The following CEMIP variants were observed in gnomAD, a reference collection of about 807,000 sequenced individuals.
The protein encoded by CEMIP is cell migration inducing hyaluronidase 1.
In CEMIP, 105 loss-of-function variants were observed where a neutral mutation model predicts 156.9. The ratio of observed to expected loss-of-function variants is 0.67; its 90% CI spans 0.57 to 0.79. The LOEUF (loss-of-function observed/expected upper bound fraction) is 0.79, where lower values mean the gene tolerates loss of function less well. Among genes scored for constraint, CEMIP ranks in the 30% least tolerant of loss-of-function variants. The pLI, the probability that CEMIP is intolerant of heterozygous loss-of-function variation, is 0.00. For missense variants in CEMIP, 1,457 were observed against 1,769.4 expected (o/e 0.82, Z 3.17); for synonymous variants, 676 against 668.4 (o/e 1.01, Z -0.17).
chr15:80,865,397 G>A (rs1218700708), intron 1 of CEMIP, among the ~76,000 whole-genome samples: 1 of 152,062 alleles, frequency 6.6e-6, no homozygotes, highest in East Asian at 1.9e-4. Flanking sequence ...GGCCAGGATG[G>A]TCTCTATCTC....
intron 1 of CEMIP, among the ~76,000 whole-genome samples, chr15:80,833,672 T>TC (rs1491304764): frequency 6.9e-6 from 1 of 144,882 alleles, no homozygotes; most frequent in Admixed American, 7.3e-5. Flanking sequence ...CTTTTTTTTT[T>TC]CTTTTTTTTT....
rs936404750 is a variant in CEMIP at position 80,945,948 on chromosome 15, T to G, written c.3858-1017T>G. On this transcript the variant is annotated intron_variant, in intron 28 of 29. Coordinates refer to ENST00000394685, the MANE Select transcript of CEMIP (RefSeq NM_001293298.2). ...CTTTTGCAATTTGGGACCTTCAGGC[T>G]GGGTGCACACATTGCTCCAAACCTC... Among the ~76,000 whole-genome samples, 4 of 152,266 alleles carry G rather than the reference T, an allele frequency of 2.6e-5. No individual in the cohort carries two copies. In the South Asian group the frequency reaches 8.3e-4, roughly 31 times the overall value.
At chr15:80,937,561 A>G (rs1901176989) in intron 24 of CEMIP, among the ~76,000 whole-genome samples, 1 of 152,188 alleles carries the variant, frequency 6.6e-6, no homozygotes, top group Non-Finnish European at 1.5e-5. Flanking sequence ...GGCCCTGGAG[A>G]CACACCAGTG....
chr15:80,800,818 A>T (rs1896357221), intron 1 of CEMIP, among the ~76,000 whole-genome samples: 2 of 152,316 alleles, frequency 1.3e-5, no homozygotes, highest in South Asian at 2.1e-4. Flanking sequence ...TTGAGTTTAC[A>T]CCTTCTAATA....
intron 1 of CEMIP, among the ~76,000 whole-genome samples, chr15:80,783,061 C>A (rs528320019): frequency 2.6e-4 from 39 of 152,320 alleles, no homozygotes; most frequent in Middle Eastern, 3.4e-3. Context: ...ACAGACAGAG[C>A]AAATGGCAAG....
At chr15:80,865,175 T>A (rs1455275585) in intron 1 of CEMIP, among the ~76,000 whole-genome samples, 3 of 152,148 alleles carry the variant, frequency 2.0e-5, no homozygotes, top group Non-Finnish European at 4.4e-5. Flanking sequence ...AACTAAATTT[T>A]TTATTTTTTT....
chr15:80,933,580 T>G, intron 23 of CEMIP, 120 bp downstream of exon 23: 1 of 728,024 alleles, frequency 1.4e-6, no homozygotes, highest in Non-Finnish European at 2.2e-6. Context: ...GAATTTTTTT[T>G]TCTTTTTCTT....
intron 4 of CEMIP, among the ~76,000 whole-genome samples, chr15:80,879,210 A>C (rs981301476): frequency 6.6e-6 from 1 of 152,230 alleles, no homozygotes; most frequent in Non-Finnish European, 1.5e-5. Flanking sequence ...AGCAGAGAGC[A>C]TAGAAAAGTA....
chr15:80,937,302 C>T (rs1260939069), intron 24 of CEMIP, among the ~76,000 whole-genome samples: 1 of 152,150 alleles, frequency 6.6e-6, no homozygotes, highest in Non-Finnish European at 1.5e-5. Flanking sequence ...GTGTTGAGGC[C>T]GAGGGCATCT....
At chr15:80,879,996 A>C in intron 5 of CEMIP, 142 bp downstream of exon 5, 1 of 941,484 alleles carries the variant, frequency 1.1e-6, no homozygotes, top group Non-Finnish European at 1.7e-6. Flanking sequence ...GATCATGAAC[A>C]AGACAGACAT....
intron 1 of CEMIP, among the ~76,000 whole-genome samples, chr15:80,813,399 G>T (rs1434771651): frequency 7.1e-6 from 1 of 141,120 alleles, no homozygotes; most frequent in African/African-American, 2.6e-5. Context: ...ACCCAGGTTG[G>T]AGTGCAGTGG....
chr15:80,863,723 C>A (rs1225088175), intron 1 of CEMIP, among the ~76,000 whole-genome samples: 1 of 152,112 alleles, frequency 6.6e-6, no homozygotes, highest in South Asian at 2.1e-4. Context: ...TGGGGCAAGG[C>A]CTTTGGGGGC....
chr15:80,923,455 G>A (rs140721232), intron 17 of CEMIP, among the ~76,000 whole-genome samples: 1 of 152,272 alleles, frequency 6.6e-6, no homozygotes, highest in East Asian at 1.9e-4. Flanking sequence ...CCATGAGCAG[G>A]GAGGTGGGCC....
intron 13 of CEMIP, among the ~76,000 whole-genome samples, chr15:80,907,406 T>TTTGTGTACCCGATTC (rs1426261849): frequency 6.6e-6 from 1 of 152,036 alleles, no homozygotes; most frequent in Non-Finnish European, 1.5e-5. Flanking sequence ...CTACTAAAAA[T>TTTGTGTACCCGATTC]ACAAAAATTA....
intron 1 of CEMIP, among the ~76,000 whole-genome samples, chr15:80,853,259 G>A (rs961185013): frequency 6.6e-6 from 1 of 152,214 alleles, no homozygotes; most frequent in Non-Finnish European, 1.5e-5. Flanking sequence ...AAATGGAAAG[G>A]GGGGAAAAGC....
At chr15:80,924,534 C>T (rs1653839137) in intron 17 of CEMIP, 87 bp from the exon 18 acceptor site, 4 of 1,157,106 alleles carry the variant, frequency 3.5e-6, no homozygotes, top group Non-Finnish European at 3.9e-6. Context: ...CCGGAGCATT[C>T]AGAAGTATGC....
At chr15:80,867,030 C>T (rs904702876) in intron 1 of CEMIP, among the ~76,000 whole-genome samples, 8 of 152,130 alleles carry the variant, frequency 5.3e-5, no homozygotes, top group Admixed American at 5.2e-4. Context: ...CATTTAGTTG[C>T]TCCTAATCAA....
rs752001815 is a variant in CEMIP, at chr15:80,942,967, G to T, written c.3722G>T (p.Ser1241Ile). The change falls in exon 28 of 30, where the codon AGT becomes ATT. Residue 1241 changes from serine (S) to isoleucine (I), a missense_variant. Physicochemically the swap from Ser to Ile is moderately radical, Grantham distance 142 (BLOSUM62 -2). Transcript: ENST00000394685. ...YIEVDGKKYP[S>I]SEDGIQVVVI... ...TAGGTGGATGGGAAGAAGTACCCCA[G>T]TTCGGAGGATGGCATCCAGGTGGTG... The T allele has an allele frequency of 6.2e-7, 1 of 1,614,228 alleles. No homozygotes were observed. Among genetic ancestry groups the T allele is most frequent in the Admixed American group, 1.7e-5 (1 of 60,030 alleles).
intron 14 of CEMIP, among the ~76,000 whole-genome samples, chr15:80,916,625 A>G (rs1324930436): frequency 1.3e-5 from 2 of 152,120 alleles, no homozygotes; most frequent in Non-Finnish European, 2.9e-5. Flanking sequence ...ATCTATCTAC[A>G]TCTATCATCT....
Sources: gnomAD v4.1 joint callset for allele counts (sites outside exome capture counted in the v4.1 genomes callset) on GRCh38, gnomAD v4.1.1 for gene constraint, MANE v1.5 for transcripts, NCBI Gene and HGNC (gene_info 2026-07-23, HGNC 2026-07-21) for gene names.